ICA1: variants seen among roughly 807,000 people sequenced by gnomAD.
ICA1 encodes 69 kDa islet cell autoantigen.
Under a neutral mutation model 71.0 loss-of-function variants are expected in ICA1, and 40 were observed. That is an observed-to-expected ratio of 0.56 (90% CI 0.44 to 0.73). The LOEUF (loss-of-function observed/expected upper bound fraction) is 0.73, where lower values mean the gene tolerates loss of function less well. Ranked by LOEUF, ICA1 falls within the 30% of genes least tolerant of loss-of-function variation. The pLI is 0.00. For synonymous variants in ICA1, 207 were observed against 209.5 expected (o/e 0.99, Z 0.10); for missense variants, 578 against 576.5 (o/e 1.00, Z -0.03).
At chr7:8,169,208 T>C (rs923438027) in intron 6 of ICA1, among the ~76,000 whole-genome samples, 8 of 152,162 alleles carry the variant, frequency 5.3e-5, no homozygotes, top group Non-Finnish European at 1.2e-4. Flanking sequence ...TGTTCTTTTT[T>C]ATTTCTCAAG....
At position 8,145,184 on chromosome 7, in the gene ICA1, G is replaced by A. The variant is rs149578132; in HGVS notation, c.805-1212C>T. 7.0e-4 allele frequency among the ~76,000 whole-genome samples: 107 copies of A among 152,198 alleles called. No homozygotes were observed. In the Middle Eastern group the frequency reaches 0.014, roughly 19 times the overall value. On this transcript the variant is annotated intron_variant, in intron 8 of 13. Coordinates refer to ENST00000402384, the MANE Select transcript of ICA1 (RefSeq NM_001136020.3). ...ATCTTATTTCTTGAGAAGGACCAGC[G>A]TATTTCTTTATTGTAAGAACTTCCT...
chr7:8,123,891 G>T lies in ICA1; in HGVS notation c.1330+3982C>A. ...CCTGGGCTCAAAATCCGGCCTGCCC[G>T]TTAACAGGAGTGTGATCTTGGGCAC... On this transcript the variant is annotated intron_variant, in intron 13 of 13. Coordinates refer to ENST00000402384, the MANE Select transcript of ICA1 (RefSeq NM_001136020.3). This position sits in a 1 kb window ranked among gnomAD's most constrained non-coding sequence, Gnocchi z 4.1. Among the ~76,000 whole-genome samples, 1 of 152,278 alleles carries T rather than the reference G, an allele frequency of 6.6e-6. No homozygotes were observed. The highest frequency in any genetic ancestry group is 2.4e-5 in the African/African-American group (1 of 41,542).
At chr7:8,210,280 G>A (rs1367735978) in intron 6 of ICA1, among the ~76,000 whole-genome samples, 1 of 152,178 alleles carries the variant, frequency 6.6e-6, no homozygotes, top group Non-Finnish European at 1.5e-5. Flanking sequence ...CTGAATAATG[G>A]TAGCAGCTGA....
intron 12 of ICA1, among the ~76,000 whole-genome samples, chr7:8,134,748 C>G (rs547445300): frequency 6.6e-6 from 1 of 152,240 alleles, no homozygotes; most frequent in South Asian, 2.1e-4. Context: ...CTCAAGAACA[C>G]TGCTTCTAAG....
Position 8,151,526 on chromosome 7 carries a change from G to C in ICA1, c.804+5590C>G, listed in dbSNP as rs150584437. Among the ~76,000 whole-genome samples, 1,129 of 152,320 alleles carry C rather than the reference G, an allele frequency of 7.4e-3. 4 individuals carry two copies. The highest frequency in any genetic ancestry group is 0.013 in the Non-Finnish European group (867 of 68,028). On this transcript the variant is annotated intron_variant, in intron 8 of 13. Transcript: ENST00000402384. ...GCTGTGTAAAGTAATGACAATGAGA[G>C]AAAACTTGAAAGCCTAAAAGGATAT...
chr7:8,249,407 G>A (rs897739014), intron 1 of ICA1, among the ~76,000 whole-genome samples: 4 of 152,326 alleles, frequency 2.6e-5, no homozygotes, highest in Admixed American at 6.5e-5. Flanking sequence ...TTAAAGACAC[G>A]CAACAGGGGA....
chr7:8,147,494 G>A (rs938296276), intron 8 of ICA1, among the ~76,000 whole-genome samples: 5 of 152,012 alleles, frequency 3.3e-5, no homozygotes, highest in African/African-American at 9.7e-5. Flanking sequence ...TGCAGCTCAA[G>A]ACAGGTGCTA....
intron 1 of ICA1, among the ~76,000 whole-genome samples, chr7:8,241,484 G>A (rs1023770788): frequency 1.1e-4 from 17 of 152,190 alleles, no homozygotes; most frequent in African/African-American, 3.9e-4. Flanking sequence ...AAAGACCATC[G>A]ATGCTAGGAA....
In ICA1 at chr7:8,123,436, G is replaced by A. The variant is rs1443584115; in HGVS notation, c.1330+4437C>T. Reference sequence around the variant, plus strand: ...GAGGGGGTGAGGGAGCTGGGGACGCGGCCCAGAGCTTGCACTTCAGTCCTG... The same window carrying A: ...GAGGGGGTGAGGGAGCTGGGGACGCAGCCCAGAGCTTGCACTTCAGTCCTG... On this transcript the variant is annotated intron_variant, in intron 13 of 13. Transcript: ENST00000402384. The surrounding 1 kb of genome is among the most constrained non-coding windows in gnomAD (Gnocchi z 4.1). 2.6e-5 allele frequency among the ~76,000 whole-genome samples: 4 copies of A among 151,834 alleles called. No homozygotes were observed. The highest frequency in any genetic ancestry group is 9.7e-5 in the African/African-American group (4 of 41,404).
At chr7:8,164,912 T>C (rs1382958655) in intron 6 of ICA1, among the ~76,000 whole-genome samples, 1 of 152,068 alleles carries the variant, frequency 6.6e-6, no homozygotes, top group East Asian at 1.9e-4. Context: ...ACCCTATCTC[T>C]ACAAAAGATA....
intron 6 of ICA1, among the ~76,000 whole-genome samples, chr7:8,210,602 A>AT (rs1042251050): frequency 1.6e-4 from 24 of 151,194 alleles, no homozygotes; most frequent in South Asian, 6.3e-4. Flanking sequence ...TCAAAAGACA[A>AT]TTTTTTTTTC....
At chr7:8,119,913 T>A (rs1027271814) in intron 13 of ICA1, among the ~76,000 whole-genome samples, 8 of 152,346 alleles carry the variant, frequency 5.3e-5, no homozygotes, top group Admixed American at 2.6e-4. Flanking sequence ...ATTTAAAAGA[T>A]GATAATGGCA....
intron 13 of ICA1, among the ~76,000 whole-genome samples, chr7:8,119,370 A>G (rs920059962): frequency 2.0e-5 from 3 of 152,220 alleles, no homozygotes; most frequent in Non-Finnish European, 4.4e-5. Flanking sequence ...GCTGCAGAGA[A>G]CACTGGAAAA....
intron 1 of ICA1, among the ~76,000 whole-genome samples, chr7:8,240,878 A>G (rs1583668352): frequency 6.6e-6 from 1 of 152,234 alleles, no homozygotes; most frequent in Non-Finnish European, 1.5e-5. Context: ...AAGAGTAAAA[A>G]GTAACTAGCA....
chr7:8,213,248 A>G (rs10267373), intron 6 of ICA1, among the ~76,000 whole-genome samples: 33,342 of 152,252 alleles, frequency 0.22, 4,387 homozygotes, highest in African/African-American at 0.37. Context: ...GAATTCTAGA[A>G]TTAGCAGAGG....
intron 12 of ICA1, 114 bp from the exon 13 acceptor site, chr7:8,128,256 T>C: frequency 9.4e-7 from 1 of 1,065,764 alleles, no homozygotes; most frequent in Non-Finnish European, 1.4e-6. Flanking sequence ...TTAAGAAAAA[T>C]GTCATCAAAA....
chr7:8,206,733 G>T (rs1321900623), intron 6 of ICA1, among the ~76,000 whole-genome samples: 11 of 135,634 alleles, frequency 8.1e-5, no homozygotes, highest in East Asian at 2.4e-4. Context: ...GGTTTAAAAT[G>T]AAAAAAAAAA....
At chr7:8,118,714 A>G (rs1364198398) in intron 13 of ICA1, among the ~76,000 whole-genome samples, 1 of 152,196 alleles carries the variant, frequency 6.6e-6, no homozygotes, top group Admixed American at 6.5e-5. Flanking sequence ...TCTAACTGGT[A>G]ACTGTCACCC....
At chr7:8,147,598 T>C (rs1299178163) in intron 8 of ICA1, among the ~76,000 whole-genome samples, 1 of 130,718 alleles carries the variant, frequency 7.7e-6, no homozygotes, top group Non-Finnish European at 1.6e-5. Context: ...CTCAGGGGAG[T>C]AATTTGAAAA....
Sources: gnomAD v4.1 joint callset for allele counts (sites outside exome capture counted in the v4.1 genomes callset) on GRCh38, gnomAD v4.1.1 for gene constraint, Gnocchi (gnomAD v3.1) non-coding constraint, MANE v1.5 for transcripts, NCBI Gene and HGNC (gene_info 2026-07-23, HGNC 2026-07-21) for gene names.